The following FSD1L variants were observed in gnomAD, a reference collection of about 807,000 sequenced individuals.
FSD1L encodes the protein FSD1-like protein.
FSD1L carries 45 observed loss-of-function variants against 71.6 expected under a neutral mutation model. The observed-to-expected ratio is 0.63, with a 90% CI of 0.49 to 0.81. The LOEUF is 0.81. Among genes scored for constraint, FSD1L ranks in the 30% least tolerant of loss-of-function variants. The pLI is 0.00. For synonymous variants in FSD1L, 197 were observed against 207.2 expected, an observed-to-expected ratio of 0.95 and a Z score of 0.42; for missense variants, 561 against 618.1, an observed-to-expected ratio of 0.91 and a Z score of 0.98.
chr9:105,447,216 C>A (rs1829679768), upstream of FSD1L, among the ~76,000 whole-genome samples: 1 of 148,482 alleles, frequency 6.7e-6, no homozygotes, highest in Non-Finnish European at 1.5e-5. Context: ...CCCAGCTACT[C>A]ATGAGGCTGA....
At chr9:105,497,905 A>G (rs999688347) in intron 7 of FSD1L, among the ~76,000 whole-genome samples, 3 of 152,062 alleles carry the variant, frequency 2.0e-5, no homozygotes, top group African/African-American at 4.8e-5. Flanking sequence ...ATGTAGTTAT[A>G]TAATCATAGC....
chr9:105,481,141 CTGTGTGTGTGTGTGTGTGTG>C (rs376069658), intron 6 of FSD1L, among the ~76,000 whole-genome samples: 5 of 81,528 alleles, frequency 6.1e-5, no homozygotes, highest in Admixed American at 1.7e-4. Flanking sequence ...CAGGCAAACT[CTGTGTGTGTGTGTGTGTGTG>C]TGTGTGTGTG....
intron 10 of FSD1L, among the ~76,000 whole-genome samples, chr9:105,530,348 G>A (rs1013548888): frequency 1.3e-5 from 2 of 152,128 alleles, no homozygotes; most frequent in Non-Finnish European, 2.9e-5. Context: ...CTTATTATAA[G>A]TTGTTTCTTG....
chr9:105,521,079 C>G (rs1835119916), intron 10 of FSD1L: 1 of 1,613,548 alleles, frequency 6.2e-7, no homozygotes, highest in Non-Finnish European at 8.5e-7. Context: ...GAGACCAAAG[C>G]CACATTATGT....
chr9:105,466,445 A>G (rs1467770530), intron 3 of FSD1L, among the ~76,000 whole-genome samples: 2 of 152,096 alleles, frequency 1.3e-5, no homozygotes, highest in East Asian at 1.9e-4. Flanking sequence ...CAAAAACAAC[A>G]TTCATGGGAG....
At chr9:105,532,747 A>T (rs1359129247) in intron 10 of FSD1L, among the ~76,000 whole-genome samples, 1 of 152,218 alleles carries the variant, frequency 6.6e-6, no homozygotes, top group Non-Finnish European at 1.5e-5. Flanking sequence ...ATCTTTACAC[A>T]AAGGACCTTT....
At chr9:105,444,221 T>C (rs1313665012), upstream of FSD1L, among the ~76,000 whole-genome samples, 3 of 152,184 alleles carry the variant, frequency 2.0e-5, no homozygotes, top group Admixed American at 1.3e-4. Context: ...TAGTAACAGC[T>C]ACTACTTGTT....
chr9:105,524,989 G>A (rs1256778540), intron 10 of FSD1L: 30 of 1,596,064 alleles, frequency 1.9e-5, no homozygotes, highest in Non-Finnish European at 2.5e-5. Flanking sequence ...AAGAGAATAT[G>A]CCTGGAGGAG....
chr9:105,527,941 G>A lies in FSD1L; in HGVS notation c.1026-6552G>A, dbSNP rs557606872. Among the ~76,000 whole-genome samples the A allele has an allele frequency of 2.6e-4, 39 of 152,250 alleles. 1 individual carries two copies. The highest frequency in any genetic ancestry group is 1.9e-3 in the South Asian group (9 of 4,824). ...CTCCTTAAGCTTATAAGCAACTTCAGCAAAGTCTCAGGATACAAAATCAAT... is the reference window on the plus strand; with the variant it reads ...CTCCTTAAGCTTATAAGCAACTTCAACAAAGTCTCAGGATACAAAATCAAT... On this transcript the variant is annotated intron_variant, in intron 10 of 13. Coordinates refer to ENST00000481272, the MANE Select transcript of FSD1L (RefSeq NM_001145313.3).
chr9:105,449,120 AC>A (rs1564070084), intron 1 of FSD1L, among the ~76,000 whole-genome samples: 1 of 152,236 alleles, frequency 6.6e-6, no homozygotes, highest in East Asian at 1.9e-4. Context: ...GAAAACAAAG[AC>A]ATATCTAAGA....
In FSD1L at chr9:105,545,134, G is replaced by A. The variant is rs548305837; in HGVS notation, c.1468-1224G>A. The stretch of plus-strand genomic sequence containing the variant: ...GTGGTTTGTAGTTCTCCTTGAAGAG[G>A]TCTTTCACATCCCGTGTAAGTTGGA... On this transcript the variant is annotated intron_variant, in intron 13 of 13. Transcript: ENST00000481272. Among the ~76,000 whole-genome samples the A allele has an allele frequency of 2.6e-5, 4 of 151,770 alleles. No homozygotes were observed. The South Asian group carries it at 8.3e-4, about 32-fold the overall frequency.
At chr9:105,459,608 T>C (rs1028384963) in intron 1 of FSD1L, among the ~76,000 whole-genome samples, 1 of 152,220 alleles carries the variant, frequency 6.6e-6, no homozygotes, top group Non-Finnish European at 1.5e-5. Context: ...CCTTTAAGCT[T>C]AGAAAAGCTT....
rs373696795 is a variant in FSD1L at position 105,461,575 on chromosome 9, C to G, written c.71C>G (p.Ser24Cys). The part of the protein sequence containing the change: ...VTVDKACFLI[S>C]NITIGPESIN... ...GTTGATAAAGCCTGTTTTCTGATCT[C>G]TAACATCACTATTGGACCAGAGTCT... Residue 24 changes from serine (S) to cysteine (C), a missense_variant, in exon 2 of 14, where the codon TCT becomes TGT. Physicochemically the swap from Ser to Cys is moderately radical, Grantham distance 112. Transcript: ENST00000481272. 72 of 1,551,632 alleles carry G rather than the reference C, an allele frequency of 4.6e-5. No individual in the cohort carries two copies. The highest frequency in any genetic ancestry group is 6.1e-5 in the Non-Finnish European group (70 of 1,146,722).
At chr9:105,450,567 C>G (rs1488340300) in intron 1 of FSD1L, among the ~76,000 whole-genome samples, 2 of 142,136 alleles carry the variant, frequency 1.4e-5, no homozygotes, top group East Asian at 2.0e-4. Context: ...GAGTTTTGCT[C>G]TTGTCGCCCA....
At chr9:105,519,214 CT>C (rs1564134097) in intron 10 of FSD1L, among the ~76,000 whole-genome samples, 2 of 152,158 alleles carry the variant, frequency 1.3e-5, no homozygotes, top group Admixed American at 1.3e-4. Context: ...CAGCCAAATT[CT>C]ACCAGAGGTA....
At chr9:105,492,699 G>A (rs1416172515) in intron 7 of FSD1L, among the ~76,000 whole-genome samples, 1 of 152,018 alleles carries the variant, frequency 6.6e-6, no homozygotes, top group Non-Finnish European at 1.5e-5. Flanking sequence ...GGTATGTTTT[G>A]TCTTTGTTCT....
rs1589116841 is a variant in FSD1L at position 105,543,105 on chromosome 9, A to G, written c.1468-3253A>G. On this transcript the variant is annotated intron_variant, in intron 13 of 13. Coordinates refer to ENST00000481272, the MANE Select transcript of FSD1L (RefSeq NM_001145313.3). Reference sequence around the variant, plus strand: ...CTTTTGTATTTTGGGAGTTATCATTACTGAGCCTGTTAGTTTTGAAAATTT... The same window carrying G: ...CTTTTGTATTTTGGGAGTTATCATTGCTGAGCCTGTTAGTTTTGAAAATTT... 2.6e-5 allele frequency among the ~76,000 whole-genome samples: 4 copies of G among 152,302 alleles called. 1 individual carries two copies. The highest frequency in any genetic ancestry group is 9.6e-5 in the African/African-American group (4 of 41,582).
At chr9:105,473,777 A>G (rs896348383) in intron 5 of FSD1L, among the ~76,000 whole-genome samples, 4 of 152,162 alleles carry the variant, frequency 2.6e-5, no homozygotes, top group Non-Finnish European at 5.9e-5. Context: ...TTCTCTTTCT[A>G]TTGACATTTT....
At position 105,512,864 on chromosome 9, in the gene FSD1L, C is replaced by A; in HGVS notation, c.953C>A (p.Thr318Lys). 3.9e-6 allele frequency: 6 copies of A among 1,541,578 alleles called. No individual in the cohort carries two copies. The South Asian group carries it at 7.3e-5, about 19-fold the overall frequency. ...CATTTGAACCTGAAAGTTGAAGATA[C>A]ATGTGTAGAGTGGGATCCTACTGGA... is the stretch of plus-strand genomic sequence containing the variant. ...SSHLNLKVED[T>K]CVEWDPTGGK... Residue 318 changes from threonine to lysine, a missense_variant, in exon 10 of 14, where the codon ACA becomes AAA. Transcript: ENST00000481272.
Sources: allele counts gnomAD v4.1 joint callset (sites outside exome capture counted in the v4.1 genomes callset), GRCh38; gene constraint gnomAD v4.1.1; transcripts MANE v1.5; gene names NCBI Gene and HGNC (gene_info 2026-07-23, HGNC 2026-07-21).